The following RASA1 variants were observed in gnomAD, a reference collection of about 807,000 sequenced individuals.
The protein encoded by RASA1 is RAS p21 protein activator 1.
Under a neutral mutation model 132.2 loss-of-function variants are expected in RASA1, and 25 were observed. The ratio of observed to expected loss-of-function variants is 0.19; its 90% CI spans 0.14 to 0.26. The LOEUF is 0.26. Among genes scored for constraint, RASA1 ranks in the 10% least tolerant of loss-of-function variants. The pLI is 1.00. For synonymous variants in RASA1, 477 were observed against 449.9 expected (o/e 1.06, Z -0.76); for missense variants, 964 against 1,299.2 (o/e 0.74, Z 3.97).
In RASA1 at chr5:87,363,410, T is replaced by A; in HGVS notation, c.1516T>A (p.Tyr506Asn). 6.2e-7 allele frequency: 1 copy of A among 1,611,222 alleles called. No individual in the cohort carries two copies. The highest frequency in any genetic ancestry group is 8.5e-7 in the Non-Finnish European group (1 of 1,177,676). Residue 506 changes from tyrosine (Y) to asparagine (N), a missense_variant, in exon 11 of 25, where the codon TAT becomes AAT. By Grantham distance (143) the Tyr-to-Asn change is moderately radical. Around this residue, in one of 6 missense-constraint regions of RASA1, gnomAD observed 346 missense variants for 520.1 expected, o/e 0.67. Transcript: ENST00000274376. ...AGAGGGTAGTGATGCCCAACTTATTTATTTTGAAAGCGAAAAACGAGCTAC... is the reference window on the plus strand; with the variant it reads ...AGAGGGTAGTGATGCCCAACTTATTAATTTTGAAAGCGAAAAACGAGCTAC... ...ILEGSDAQLIYFESEKRATKP... is the reference protein window; with the variant it reads ...ILEGSDAQLINFESEKRATKP...
intron 1 of RASA1, among the ~76,000 whole-genome samples, chr5:87,322,090 G>C (rs1561280035): frequency 6.6e-6 from 1 of 152,148 alleles, no homozygotes; most frequent in Admixed American, 6.5e-5. Context: ...GGATCATAAA[G>C]GTGGATCCCT....
chr5:87,317,576 C>T (rs929707465), intron 1 of RASA1, among the ~76,000 whole-genome samples: 9 of 150,224 alleles, frequency 6.0e-5, no homozygotes, highest in African/African-American at 1.7e-4. Context: ...TCTTTTGTCT[C>T]TTCTGTTTTT....
At chr5:87,364,674 G>A (rs1760373062) in intron 11 of RASA1, among the ~76,000 whole-genome samples, 1 of 151,938 alleles carries the variant, frequency 6.6e-6, no homozygotes, top group Non-Finnish European at 1.5e-5. Context: ...TTTCTTTTTA[G>A]TTCTACTCTG....
At position 87,317,261 on chromosome 5, in the gene RASA1, C is replaced by T. The variant is rs529276356; in HGVS notation, c.540-14087C>T. Among the ~76,000 whole-genome samples the T allele has an allele frequency of 6.6e-5, 10 of 152,220 alleles. No homozygotes were observed. In the South Asian group the frequency reaches 2.1e-3, roughly 32 times the overall value. On this transcript the variant is annotated intron_variant, in intron 1 of 24. Coordinates refer to ENST00000274376, the MANE Select transcript of RASA1 (RefSeq NM_002890.3). ...ATTGCAGTCCTTTTGTTTGTGCGTT[C>T]CAGACTTTTAATAAATTCCCCTTAG...
Position 87,331,377 on chromosome 5 carries a change from T to A in RASA1, c.569T>A (p.Ile190Lys). 6.2e-7 allele frequency: 1 copy of A among 1,612,260 alleles called. No individual in the cohort carries two copies. Among genetic ancestry groups the A allele is most frequent in the Non-Finnish European group, 8.5e-7 (1 of 1,178,340 alleles). The part of the protein sequence containing the change: ...QWYHGKLDRT[I>K]AEERLRQAGK... ...TATCACGGAAAACTTGACAGAACGA[T>A]AGCAGAAGAACGCCTCAGGCAGGCA... is the stretch of plus-strand genomic sequence containing the variant. Residue 190 changes from isoleucine to lysine, a missense_variant, in exon 2 of 25, where the codon ATA (isoleucine) becomes AAA (lysine). Coordinates refer to ENST00000274376, the MANE Select transcript of RASA1 (RefSeq NM_002890.3).
intron 1 of RASA1, among the ~76,000 whole-genome samples, chr5:87,311,328 G>A (rs192861022): frequency 8.1e-4 from 124 of 152,230 alleles, no homozygotes; most frequent in Non-Finnish European, 1.3e-3. Flanking sequence ...AATTTTGGAG[G>A]CTTTGTATCT....
chr5:87,355,952 A>G, intron 9 of RASA1, among the ~76,000 whole-genome samples: 1 of 152,190 alleles, frequency 6.6e-6, no homozygotes, highest in African/African-American at 2.4e-5. Context: ...TGAAGATGTG[A>G]CTGAATTACT....
intron 1 of RASA1, among the ~76,000 whole-genome samples, chr5:87,315,419 T>C (rs932594076): frequency 4.6e-5 from 7 of 152,164 alleles, no homozygotes; most frequent in Non-Finnish European, 7.4e-5. Context: ...TGCCCCACCC[T>C]GATGACCCTA....
rs114156859 is a variant in RASA1, at chr5:87,298,646, A to G, written c.539+29656A>G. On this transcript the variant is annotated intron_variant, in intron 1 of 24. Coordinates refer to ENST00000274376, the MANE Select transcript of RASA1 (RefSeq NM_002890.3). ...ATTTGATAATGTTTTTTTATTCTTA[A>G]TAGTAAATATTTAGCTATTTTATAA... Among the ~76,000 whole-genome samples the G allele has an allele frequency of 3.1e-3, 468 of 152,248 alleles. 5 individuals are homozygous for G. Among genetic ancestry groups the G allele is most frequent in the African/African-American group, 0.011 (456 of 41,548 alleles).
At chr5:87,330,836 C>G in intron 1 of RASA1, 1 of 624,164 alleles carries the variant, frequency 1.6e-6, no homozygotes, top group Non-Finnish European at 2.4e-6. Context: ...GCTTCACGTT[C>G]AAACAGGAAA....
At chr5:87,343,117 C>A (rs536648552) in intron 6 of RASA1, among the ~76,000 whole-genome samples, 2 of 152,146 alleles carry the variant, frequency 1.3e-5, no homozygotes, top group South Asian at 2.1e-4. Flanking sequence ...ACTTTAAATT[C>A]TTTAAAGTGT....
intron 15 of RASA1, among the ~76,000 whole-genome samples, chr5:87,375,667 G>C (rs141997094): frequency 6.6e-6 from 1 of 152,216 alleles, no homozygotes; most frequent in East Asian, 1.9e-4. Flanking sequence ...AAGGCTCCCA[G>C]TTCCTGTCCT....
intron 11 of RASA1, among the ~76,000 whole-genome samples, 197 bp downstream of exon 11, chr5:87,363,701 C>G (rs551100251): frequency 4.6e-4 from 70 of 152,130 alleles, no homozygotes; most frequent in African/African-American, 1.7e-3. Flanking sequence ...GCACAGAAAT[C>G]TTTGGCATGA....
intron 1 of RASA1, among the ~76,000 whole-genome samples, chr5:87,302,000 A>G (rs958029668): frequency 3.9e-5 from 6 of 152,172 alleles, no homozygotes; most frequent in South Asian, 2.1e-4. Flanking sequence ...TAGCATTGCT[A>G]TGAATTTTCT....
chr5:87,330,107 T>C (rs904045255), intron 1 of RASA1, among the ~76,000 whole-genome samples: 1 of 152,160 alleles, frequency 6.6e-6, no homozygotes, highest in African/African-American at 2.4e-5. Flanking sequence ...ACGCTATAAA[T>C]AAGTTCATTA....
chr5:87,296,048 C>A (rs1755104853), intron 1 of RASA1, among the ~76,000 whole-genome samples: 1 of 152,134 alleles, frequency 6.6e-6, no homozygotes, highest in East Asian at 1.9e-4. Context: ...AATTCCTGAC[C>A]TCGAGTGATC....
At chr5:87,292,238 C>T (rs1010967423) in intron 1 of RASA1, among the ~76,000 whole-genome samples, 1 of 152,064 alleles carries the variant, frequency 6.6e-6, no homozygotes, top group African/African-American at 2.4e-5. Context: ...GAAGGCATCA[C>T]CATAGCCAAG....
At chr5:87,331,044 C>A in intron 1 of RASA1, 1 of 1,264,100 alleles carries the variant, frequency 7.9e-7, no homozygotes. Flanking sequence ...GATCTGGTTG[C>A]AGTAGTGTTT....
intron 1 of RASA1, among the ~76,000 whole-genome samples, chr5:87,273,293 A>G (rs1330970235): frequency 2.0e-5 from 3 of 152,162 alleles, no homozygotes; most frequent in African/African-American, 7.2e-5. Flanking sequence ...ATTTATTTGA[A>G]TATTTTTGAA....
Sources: allele counts gnomAD v4.1 joint callset (sites outside exome capture counted in the v4.1 genomes callset), GRCh38; gene constraint gnomAD v4.1.1; regional missense constraint gnomAD v4.1.1; transcripts MANE v1.5; gene names NCBI Gene and HGNC (gene_info 2026-07-23, HGNC 2026-07-21).